Variants in SEMA3A observed in about 807,000 individuals in gnomAD.
The protein encoded by SEMA3A is semaphorin-3A.
A neutral mutation model predicts 97.9 loss-of-function variants in SEMA3A; 29 were observed. The ratio of observed to expected loss-of-function variants is 0.30; its 90% CI spans 0.22 to 0.40. The LOEUF (loss-of-function observed/expected upper bound fraction) is 0.40, where lower values mean the gene tolerates loss of function less well. Ranked by LOEUF, SEMA3A falls within the 10% of genes least tolerant of loss-of-function variation. The pLI, the probability that SEMA3A is intolerant of heterozygous loss-of-function variation, is 1.00. For missense variants in SEMA3A, 763 were observed against 951.3 expected (o/e 0.80, Z 2.60); for synonymous variants, 321 against 323.7 (o/e 0.99, Z 0.09).
In SEMA3A at chr7:83,961,114, A is replaced by T. The variant is rs1788452665; in HGVS notation, c.*257T>A. On this transcript the variant is annotated 3_prime_UTR_variant, in exon 17 of 17. Coordinates refer to ENST00000265362, the MANE Select transcript of SEMA3A (RefSeq NM_006080.3). Reference sequence around the variant, plus strand: ...AGACAAACCTGTACAGTGAAATCTCATAGGAAACATTAAGTCTGCTAAAGT... The same window carrying T: ...AGACAAACCTGTACAGTGAAATCTCTTAGGAAACATTAAGTCTGCTAAAGT... 2.1e-6 allele frequency: 1 copy of T among 483,256 alleles called. No homozygotes were observed. The highest frequency in any genetic ancestry group is 2.0e-5 in the African/African-American group (1 of 51,144). The allele number at this position is 483,256 out of a possible 1,614,324, so 29.9% of individuals were successfully genotyped here. A position where few individuals can be genotyped will look rare whatever the true frequency, so the allele number is the denominator to read the frequency against.
intron 2 of SEMA3A, among the ~76,000 whole-genome samples, chr7:84,332,684 C>CAT (rs1801937062): frequency 6.6e-6 from 1 of 151,840 alleles, no homozygotes; most frequent in Non-Finnish European, 1.5e-5. Context: ...TACACACACA[C>CAT]ACACACACAC....
At chr7:84,177,282 A>G (rs1162611607) in intron 1 of SEMA3A, among the ~76,000 whole-genome samples, 1 of 152,144 alleles carries the variant, frequency 6.6e-6, no homozygotes, top group East Asian at 1.9e-4. Flanking sequence ...AAGACACATT[A>G]TAATAAAGCA....
chr7:84,352,588 T>C, intron 2 of SEMA3A, among the ~76,000 whole-genome samples: 1 of 151,792 alleles, frequency 6.6e-6, no homozygotes, highest in East Asian at 1.9e-4. Context: ...AGTAGAACTA[T>C]TTCTAGAATG....
At chr7:84,311,885 A>C (rs2040696) in intron 2 of SEMA3A, among the ~76,000 whole-genome samples, 105,759 of 151,572 alleles carry the variant, frequency 0.7, 37,073 homozygotes, top group African/African-American at 0.74. Flanking sequence ...TGAAAACACA[A>C]GTTTATAAAG....
At chr7:84,305,506 A>G in intron 3 of SEMA3A, among the ~76,000 whole-genome samples, 1 of 151,970 alleles carries the variant, frequency 6.6e-6, no homozygotes, top group Non-Finnish European at 1.5e-5. Context: ...GTTTCAATTC[A>G]ATGTGTATAT....
At chr7:84,170,822 G>T (rs1036678733) in intron 1 of SEMA3A, among the ~76,000 whole-genome samples, 1 of 151,986 alleles carries the variant, frequency 6.6e-6, no homozygotes, top group African/African-American at 2.4e-5. Flanking sequence ...TTAAAATCTT[G>T]ACTGTTGAAA....
At chr7:84,169,565 A>G (rs1797321505) in intron 1 of SEMA3A, among the ~76,000 whole-genome samples, 1 of 149,402 alleles carries the variant, frequency 6.7e-6, no homozygotes, top group Non-Finnish European at 1.5e-5. Context: ...TAATTATATC[A>G]TTTCTATTGT....
chr7:83,963,154 T>A, intron 16 of SEMA3A, 51 bp downstream of exon 16: 1 of 1,587,088 alleles, frequency 6.3e-7, no homozygotes, highest in South Asian at 1.1e-5. Context: ...AAGGATTACA[T>A]TTAACAGTGT....
At chr7:84,270,633 T>G (rs1800123739) in intron 3 of SEMA3A, among the ~76,000 whole-genome samples, 1 of 148,000 alleles carries the variant, frequency 6.8e-6, no homozygotes, top group South Asian at 2.1e-4. Context: ...ATATATTCTA[T>G]TCATATATAT....
At chr7:84,153,295 C>A (rs756980763) in intron 1 of SEMA3A, among the ~76,000 whole-genome samples, 1 of 152,110 alleles carries the variant, frequency 6.6e-6, no homozygotes, top group Non-Finnish European at 1.5e-5. Flanking sequence ...TCAGGAGAGG[C>A]CTGTCATCCA....
intron 16 of SEMA3A, among the ~76,000 whole-genome samples, chr7:83,962,469 A>C (rs1332171333): frequency 1.3e-5 from 2 of 152,152 alleles, no homozygotes; most frequent in Non-Finnish European, 2.9e-5. Context: ...ATATAGTTTT[A>C]AGACTGATTA....
chr7:84,273,398 A>C (rs1800203980), intron 3 of SEMA3A, among the ~76,000 whole-genome samples: 1 of 152,138 alleles, frequency 6.6e-6, no homozygotes, highest in Non-Finnish European at 1.5e-5. Flanking sequence ...AAGCATAATT[A>C]ATGATGGAAT....
At chr7:84,127,362 G>C (rs115654383) in intron 3 of SEMA3A, among the ~76,000 whole-genome samples, 206 of 151,868 alleles carry the variant, frequency 1.4e-3, no homozygotes, top group African/African-American at 4.7e-3. Context: ...CCATTACTCC[G>C]ATGTTTCCTC....
chr7:83,990,412 G>C (rs1025682096), intron 12 of SEMA3A, among the ~76,000 whole-genome samples: 39 of 148,870 alleles, frequency 2.6e-4, no homozygotes, highest in African/African-American at 8.7e-4. Flanking sequence ...GTCCTGAATG[G>C]TAATGCCTAG....
At chr7:84,071,607 C>T (rs1384557341) in intron 4 of SEMA3A, among the ~76,000 whole-genome samples, 2 of 152,074 alleles carry the variant, frequency 1.3e-5, no homozygotes, top group African/African-American at 4.8e-5. Context: ...GGCCATGATG[C>T]ACAGTACATT....
chr7:84,398,867 G>A (rs1320784117), intron 1 of SEMA3A, among the ~76,000 whole-genome samples: 3 of 152,078 alleles, frequency 2.0e-5, no homozygotes, highest in Non-Finnish European at 2.9e-5. Context: ...TGAGGCTACA[G>A]AACAAGATGG....
intron 1 of SEMA3A, among the ~76,000 whole-genome samples, chr7:84,182,774 T>A (rs1797770454): frequency 2.6e-5 from 4 of 152,104 alleles, no homozygotes; most frequent in African/African-American, 7.2e-5. Flanking sequence ...AAACCTAAAG[T>A]TAGGTTCATT....
chr7:84,350,464 T>G (rs1445557363), intron 2 of SEMA3A, among the ~76,000 whole-genome samples: 4 of 152,188 alleles, frequency 2.6e-5, no homozygotes, highest in African/African-American at 9.6e-5. Context: ...TTATTAAAAC[T>G]GATTTATTTA....
At chr7:84,061,987 G>A (rs553431958) in intron 4 of SEMA3A, among the ~76,000 whole-genome samples, 23 of 152,192 alleles carry the variant, frequency 1.5e-4, no homozygotes, top group African/African-American at 5.1e-4. Flanking sequence ...CTGGTTCTCT[G>A]GTCACTGTTT....
Sources: allele counts gnomAD v4.1 joint callset (sites outside exome capture counted in the v4.1 genomes callset), GRCh38; gene constraint gnomAD v4.1.1; transcripts MANE v1.5; gene names NCBI Gene and HGNC (gene_info 2026-07-23, HGNC 2026-07-21).